TAF4: variants seen among roughly 807,000 people sequenced by gnomAD.
TAF4 encodes the protein transcription initiation factor TFIID subunit 4.
Under a neutral mutation model 90.3 loss-of-function variants are expected in TAF4, and 9 were observed. That is an observed-to-expected ratio of 0.10 (90% CI 0.06 to 0.17). The LOEUF is 0.17. TAF4 is among the 10% of genes least tolerant of loss of function. The pLI, the probability that TAF4 is intolerant of heterozygous loss-of-function variation, is 1.00. For synonymous variants in TAF4, 818 were observed against 638.9 expected (o/e 1.28, Z -4.23); for missense variants, 1,351 against 1,370.7 (o/e 0.99, Z 0.23).
At chr20:62,053,662 G>A (rs1280483901) in intron 1 of TAF4, among the ~76,000 whole-genome samples, 7 of 152,196 alleles carry the variant, frequency 4.6e-5, no homozygotes. Context: ...CCGAGTGAAC[G>A]TTTGTTGACC....
chr20:62,064,924 GC>G lies in TAF4; in HGVS notation c.886del (p.Ala296ProfsTer113). On this transcript the variant is annotated frameshift_variant, in exon 1 of 15. Transcript: ENST00000252996. LOFTEE classifies it high-confidence loss of function. ...CTGGGCGGCGGCGGGGGGCGGCACG[GC>G]GGGCGCGGCGGTCGGGGGTCCGGCG... ...HPAGPPTAAP[A>X]VPPPAAAQNG... is the part of the protein sequence containing the mutation. 1 of 615,824 alleles carries G rather than the reference GC, an allele frequency of 1.6e-6. No homozygotes were observed. Among genetic ancestry groups the G allele is most frequent in the Non-Finnish European group, 2.0e-6 (1 of 498,902 alleles). The allele number at this position is 615,824 out of a possible 1,614,324, so 38.1% of individuals were successfully genotyped here. A position where few individuals can be genotyped will look rare whatever the true frequency, so the allele number is the denominator to read the frequency against.
intron 12 of TAF4, among the ~76,000 whole-genome samples, chr20:61,998,579 G>A (rs1298361671): frequency 1.3e-5 from 2 of 152,188 alleles, no homozygotes; most frequent in Non-Finnish European, 2.9e-5. Flanking sequence ...CCACTCCACA[G>A]TACCCACCCC....
At chr20:61,989,123 T>C (rs146034570) in intron 14 of TAF4, among the ~76,000 whole-genome samples, 10 of 152,148 alleles carry the variant, frequency 6.6e-5, no homozygotes, top group Non-Finnish European at 1.0e-4. Context: ...GCAAGGACCG[T>C]AGTCTCAACA....
At chr20:61,982,464 A>ACAC (rs1230265280) in intron 14 of TAF4, among the ~76,000 whole-genome samples, 2 of 128,318 alleles carry the variant, frequency 1.6e-5, no homozygotes, top group African/African-American at 3.0e-5. Flanking sequence ...CACCAAACCC[A>ACAC]CACCCCACCC....
chr20:62,019,140 T>A (rs1317947628), intron 1 of TAF4, among the ~76,000 whole-genome samples: 2 of 152,202 alleles, frequency 1.3e-5, no homozygotes, highest in Admixed American at 6.5e-5. Flanking sequence ...ATATCTTCCT[T>A]ACCACAGAAA....
intron 1 of TAF4, among the ~76,000 whole-genome samples, chr20:62,039,124 A>T (rs1056412435): frequency 6.6e-6 from 1 of 152,212 alleles, no homozygotes; most frequent in Non-Finnish European, 1.5e-5. Context: ...ACTGATTCTG[A>T]AACACATGAA....
At chr20:62,038,259 C>G (rs6142703) in intron 1 of TAF4, among the ~76,000 whole-genome samples, 14,850 of 151,758 alleles carry the variant, frequency 0.098, 1,177 homozygotes, top group East Asian at 0.43. Context: ...GATCTCCTGA[C>G]CTCGTGATCC....
intron 1 of TAF4, among the ~76,000 whole-genome samples, chr20:62,061,904 C>A (rs776463730): frequency 1.3e-5 from 2 of 152,242 alleles, no homozygotes; most frequent in Non-Finnish European, 2.9e-5. Flanking sequence ...ATTCAACATA[C>A]CCGGTGTGCA....
chr20:61,983,861 A>G (rs993591631), intron 14 of TAF4, among the ~76,000 whole-genome samples: 4 of 152,172 alleles, frequency 2.6e-5, no homozygotes, highest in African/African-American at 9.7e-5. Context: ...GGTGAAAAGT[A>G]AGGATCTCAG....
intron 14 of TAF4, among the ~76,000 whole-genome samples, chr20:61,982,219 C>A (rs1212514456): frequency 7.5e-5 from 1 of 13,372 alleles, no homozygotes; most frequent in Non-Finnish European, 3.6e-4. Flanking sequence ...AGACACCAAA[C>A]CCACACCCAC....
intron 1 of TAF4, among the ~76,000 whole-genome samples, chr20:62,059,141 G>C (rs1367850663): frequency 1.3e-5 from 2 of 152,238 alleles, no homozygotes; most frequent in African/African-American, 4.8e-5. Context: ...GGTGGGAGAA[G>C]CTGGGGGCAC....
intron 6 of TAF4, 80 bp downstream of exon 6, chr20:62,007,467 T>C (rs2055753528): frequency 1.4e-6 from 2 of 1,396,822 alleles, no homozygotes; most frequent in Non-Finnish European, 2.0e-6. Context: ...TGGAGCATCC[T>C]CGCCCTGCAC....
At chr20:62,026,353 G>A (rs940011527) in intron 1 of TAF4, among the ~76,000 whole-genome samples, 1 of 152,160 alleles carries the variant, frequency 6.6e-6, no homozygotes, top group East Asian at 1.9e-4. Context: ...CCACCACACT[G>A]CCTTTTTAAC....
intron 1 of TAF4, among the ~76,000 whole-genome samples, chr20:62,031,537 G>A (rs2055904378): frequency 6.6e-6 from 1 of 152,080 alleles, no homozygotes; most frequent in African/African-American, 2.4e-5. Flanking sequence ...ATGACACTTT[G>A]GGCATTCCCT....
Position 62,065,506 on chromosome 20 carries a change from G to A in TAF4, c.305C>T (p.Pro102Leu). The change falls in exon 1 of 15, where the codon CCG (proline) becomes CTG (leucine). Residue 102 changes from proline (P) to leucine (L), a missense_variant. Transcript: ENST00000252996. ...AGRARPGGGG[P>L]QRPGPPSPRR... Reference sequence around the variant, plus strand: ...CGGTGAGGGGGGGCCCGGGCGCTGCGGCCCCCCGCCCCCCGGCCGCGCTCT... The same window carrying A: ...CGGTGAGGGGGGGCCCGGGCGCTGCAGCCCCCCGCCCCCCGGCCGCGCTCT... 8 of 973,812 alleles carry A rather than the reference G, an allele frequency of 8.2e-6. No individual in the cohort carries two copies. The highest frequency in any genetic ancestry group is 8.5e-6 in the Non-Finnish European group (7 of 822,784). 60.3% of individuals were successfully genotyped at this position (973,812 alleles called of 1,614,324 possible). A position where few individuals can be genotyped will look rare whatever the true frequency, so the allele number is the denominator to read the frequency against.
chr20:62,038,408 G>A (rs540527190), intron 1 of TAF4, among the ~76,000 whole-genome samples: 1 of 151,980 alleles, frequency 6.6e-6, no homozygotes, highest in East Asian at 1.9e-4. Flanking sequence ...TGATCCGCCC[G>A]CCTCAGCCTC....
Position 62,006,683 on chromosome 20 carries a change from G to T in TAF4, c.2050C>A (p.Pro684Thr), listed in dbSNP as rs1266442831. ...GCAGTGGTGGCCTGCGAGGTGGGCGGTGGCGGCTGCTGCTGGCTCTGCTGG... is the reference window on the plus strand; with the variant it reads ...GCAGTGGTGGCCTGCGAGGTGGGCGTTGGCGGCTGCTGCTGGCTCTGCTGG... ...FIQQSQQQPPPPTSQATTALT... is the reference protein window; with the variant it reads ...FIQQSQQQPPTPTSQATTALT... Residue 684 changes from proline to threonine, a missense_variant, in exon 7 of 15, where the codon CCG becomes ACG. By Grantham distance (38) the Pro-to-Thr change is conservative. This residue lies in a region of TAF4 where 202 missense variants were observed against 229.7 expected (regional missense o/e 0.88). Coordinates refer to ENST00000252996, the MANE Select transcript of TAF4 (RefSeq NM_003185.4). The surrounding 1 kb of genome is among the most constrained non-coding windows in gnomAD (Gnocchi z 7.0). The T allele has an allele frequency of 1.3e-5, 20 of 1,594,026 alleles. No individual in the cohort carries two copies. The highest frequency in any genetic ancestry group is 1.7e-5 in the Non-Finnish European group (20 of 1,166,880).
At chr20:61,976,422 G>A (rs1000976483) in intron 14 of TAF4, 87 bp from the exon 15 acceptor site, 11 of 1,494,172 alleles carry the variant, frequency 7.4e-6, no homozygotes, top group Admixed American at 6.9e-5. Flanking sequence ...CAAGTACCCC[G>A]ATTCCAGAGG....
At chr20:62,040,194 T>C (rs1446093045) in intron 1 of TAF4, among the ~76,000 whole-genome samples, 1 of 152,222 alleles carries the variant, frequency 6.6e-6, no homozygotes, top group African/African-American at 2.4e-5. Context: ...GCATTGCTCA[T>C]AATAATCAAA....
Sources: allele counts gnomAD v4.1 joint callset (sites outside exome capture counted in the v4.1 genomes callset), GRCh38; gene constraint gnomAD v4.1.1; regional missense constraint gnomAD v4.1.1; non-coding constraint Gnocchi (gnomAD v3.1); transcripts MANE v1.5; gene names NCBI Gene and HGNC (gene_info 2026-07-23, HGNC 2026-07-21).